Variants in PRKG1 observed in about 807,000 individuals in gnomAD.
PRKG1 encodes cGMP-dependent protein kinase 1.
PRKG1 carries 35 observed loss-of-function variants against 88.1 expected under a neutral mutation model. The observed-to-expected ratio is 0.40, with a 90% CI of 0.30 to 0.53. PRKG1 has a LOEUF of 0.53. Ranked by LOEUF, PRKG1 falls within the 20% of genes least tolerant of loss-of-function variation. PRKG1 has a pLI of 0.59. For synonymous variants in PRKG1, 303 were observed against 292.5 expected (o/e 1.04, Z -0.37); for missense variants, 540 against 839.8 (o/e 0.64, Z 4.41).
chr10:52,167,264 T>C (rs1384203868), intron 9 of PRKG1, among the ~76,000 whole-genome samples: 3 of 152,026 alleles, frequency 2.0e-5, no homozygotes. Flanking sequence ...CCAGGCTTTC[T>C]TAAACCACCA....
At chr10:51,936,052 G>A (rs1356234426) in intron 5 of PRKG1, among the ~76,000 whole-genome samples, 1 of 151,624 alleles carries the variant, frequency 6.6e-6, no homozygotes, top group Admixed American at 6.6e-5. Context: ...TTATTGAATG[G>A]CAATATTTGT....
At chr10:51,948,270 C>A (rs908748357) in intron 5 of PRKG1, among the ~76,000 whole-genome samples, 1 of 152,024 alleles carries the variant, frequency 6.6e-6, no homozygotes, top group East Asian at 1.9e-4. Flanking sequence ...TTTGAAGATA[C>A]GAAAGTGGCT....
chr10:51,918,750 T>C (rs1458475083), intron 5 of PRKG1, among the ~76,000 whole-genome samples: 3 of 152,224 alleles, frequency 2.0e-5, no homozygotes, highest in Admixed American at 6.5e-5. Context: ...TGATAGCATC[T>C]GAGCAGATCA....
intron 3 of PRKG1, among the ~76,000 whole-genome samples, chr10:51,779,583 C>T (rs1240685399): frequency 6.6e-6 from 1 of 152,058 alleles, no homozygotes; most frequent in African/African-American, 2.4e-5. Context: ...ATTAACTACA[C>T]CACACAACCT....
At chr10:51,805,881 TG>T (rs1839292335) in intron 4 of PRKG1, among the ~76,000 whole-genome samples, 1 of 152,126 alleles carries the variant, frequency 6.6e-6, no homozygotes, top group Non-Finnish European at 1.5e-5. Context: ...GTCAGCAGGG[TG>T]TTGATTTTTT....
intron 1 of PRKG1, among the ~76,000 whole-genome samples, chr10:51,136,104 A>G (rs570768073): frequency 6.6e-6 from 1 of 152,150 alleles, no homozygotes; most frequent in Non-Finnish European, 1.5e-5. Context: ...GTACCCTAAA[A>G]CTTAAAGTAT....
At chr10:51,489,245 A>G (rs551721818) in intron 3 of PRKG1, among the ~76,000 whole-genome samples, 5 of 152,304 alleles carry the variant, frequency 3.3e-5, no homozygotes, top group Non-Finnish European at 7.3e-5. Flanking sequence ...TCACAGGAAC[A>G]CAGAAGGTGG....
rs116034140 is a variant in PRKG1 at position 52,158,739 on chromosome 10, G to T, written c.1002-3150G>T. On this transcript the variant is annotated intron_variant, in intron 8 of 17. Coordinates refer to ENST00000373980, the MANE Select transcript of PRKG1 (RefSeq NM_006258.4). ...TCAGAAAATGTATTCTTTTGGCTAG[G>T]ATCATCTTCTAAGTAAAGATTATTT... is the stretch of plus-strand genomic sequence containing the variant. 1.9e-3 allele frequency among the ~76,000 whole-genome samples: 284 copies of T among 151,636 alleles called. 3 individuals carry two copies. Among genetic ancestry groups the T allele is most frequent in the Middle Eastern group, 6.8e-3 (2 of 292 alleles).
chr10:51,817,347 A>G (rs567124782), intron 4 of PRKG1, among the ~76,000 whole-genome samples: 34,352 of 129,720 alleles, frequency 0.26, 6,929 homozygotes, highest in African/African-American at 0.57. Context: ...TCCCTCCCCA[A>G]CCCCCCCCCT....
intron 4 of PRKG1, among the ~76,000 whole-genome samples, chr10:51,851,204 C>T (rs576589810): frequency 4.9e-4 from 75 of 152,078 alleles, no homozygotes; most frequent in South Asian, 3.3e-3. Flanking sequence ...TGTATTCATC[C>T]TTATTTGCTT....
chr10:52,107,901 T>A (rs1392364124), intron 7 of PRKG1, among the ~76,000 whole-genome samples: 1 of 152,214 alleles, frequency 6.6e-6, no homozygotes, highest in Admixed American at 6.5e-5. Flanking sequence ...AGAGTATAGT[T>A]GGCATAATCA....
upstream of PRKG1, among the ~76,000 whole-genome samples, chr10:51,070,600 T>G (rs552329728): frequency 6.6e-6 from 1 of 152,314 alleles, no homozygotes; most frequent in South Asian, 2.1e-4. Flanking sequence ...ACAGTTCTTT[T>G]GGGCTAATTA....
intron 2 of PRKG1, among the ~76,000 whole-genome samples, chr10:51,295,254 T>C (rs928762556): frequency 5.9e-5 from 9 of 152,210 alleles, no homozygotes; most frequent in African/African-American, 1.9e-4. Context: ...ATTTTAATTC[T>C]TACAATCCAT....
chr10:51,005,657 C>A (rs1350170221), intron 1 of PRKG1, among the ~76,000 whole-genome samples: 2 of 152,168 alleles, frequency 1.3e-5, no homozygotes, highest in African/African-American at 2.4e-5. Flanking sequence ...CTTAGCAGAG[C>A]CGCTTTTGAA....
intron 2 of PRKG1, among the ~76,000 whole-genome samples, chr10:51,420,438 T>C (rs1211713819): frequency 6.6e-6 from 1 of 152,114 alleles, no homozygotes; most frequent in Non-Finnish European, 1.5e-5. Flanking sequence ...GACTGTATCT[T>C]AAATTGTAAG....
chr10:52,161,092 T>C (rs1838264315), intron 8 of PRKG1, among the ~76,000 whole-genome samples: 1 of 152,006 alleles, frequency 6.6e-6, no homozygotes, highest in African/African-American at 2.4e-5. Context: ...TAAGAGTTAC[T>C]GTATCTGGTT....
intron 2 of PRKG1, among the ~76,000 whole-genome samples, chr10:51,258,768 A>T (rs889437021): frequency 4.6e-5 from 7 of 152,234 alleles, no homozygotes; most frequent in African/African-American, 1.7e-4. Context: ...TATTACTGTC[A>T]TGATTCTTAT....
At chr10:52,243,384 TA>T (rs1474305152) in intron 9 of PRKG1, among the ~76,000 whole-genome samples, 1 of 152,206 alleles carries the variant, frequency 6.6e-6, no homozygotes, top group African/African-American at 2.4e-5. Flanking sequence ...CTTCTATGCC[TA>T]GGTCTTTATG....
chr10:52,041,804 C>A (rs1001507253), intron 5 of PRKG1, among the ~76,000 whole-genome samples: 1 of 151,376 alleles, frequency 6.6e-6, no homozygotes, highest in Admixed American at 6.6e-5. Flanking sequence ...TATGTAAAAC[C>A]CTAAGAGTCC....
Sources: allele counts gnomAD v4.1 joint callset (sites outside exome capture counted in the v4.1 genomes callset), GRCh38; gene constraint gnomAD v4.1.1; transcripts MANE v1.5; gene names NCBI Gene and HGNC (gene_info 2026-07-23, HGNC 2026-07-21).